Variants in PRSS22 observed in about 807,000 individuals in gnomAD.
PRSS22 encodes the protein serine protease 22, also known as brain-specific serine protease 4.
Under a neutral mutation model 28.0 loss-of-function variants are expected in PRSS22, and 26 were observed. That is an observed-to-expected ratio of 0.93 (90% CI 0.68 to 1.29). The LOEUF is 1.29. PRSS22 is among the 50% of genes most tolerant of loss of function. PRSS22 has a pLI of 0.00. For synonymous variants in PRSS22, 217 were observed against 177.9 expected (o/e 1.22, Z -1.75); for missense variants, 444 against 422.1 (o/e 1.05, Z -0.46).
chr16:2,854,179 G>A (rs1477188926), intron 4 of PRSS22, 157 bp from the exon 5 acceptor site: 2 of 762,568 alleles, frequency 2.6e-6, no homozygotes, highest in African/African-American at 3.5e-5. Context: ...TCAGAAAATT[G>A]AAATTCCAGG....
chr16:2,855,920 G>C (rs1173291184), intron 3 of PRSS22, 69 bp from the exon 4 acceptor site: 2 of 1,548,906 alleles, frequency 1.3e-6, no homozygotes, highest in Non-Finnish European at 1.7e-6. Flanking sequence ...GGAACAGCAT[G>C]GGTGTGAAGG....
chr16:2,856,989 ACCCAGTGAGGAGGGTCCCTCAGCG>A (rs1567291409), intron 1 of PRSS22, 141 bp from the exon 2 acceptor site: 3 of 980,390 alleles, frequency 3.1e-6, no homozygotes, highest in South Asian at 1.4e-5. Context: ...AGGTCCCAGC[ACCCAGTGAGGAGGGTCCCTCAGCG>A]CCCAGTGAGG....
At position 2,858,060 on chromosome 16, in the gene PRSS22, G is replaced by A; in HGVS notation, c.45C>T (p.Leu15=). The change falls in exon 1 of 6, where the codon CTC becomes CTT. Residue 15 remains leucine, a synonymous_variant. Coordinates refer to ENST00000161006, the MANE Select transcript of PRSS22 (RefSeq NM_022119.4). Reference sequence around the variant, plus strand: ...GCAGCAGCAGGGAGGTGAAGGTGCCGAGACAGCCCCCACCCAGGGCTGGGG... The same window carrying A: ...GCAGCAGCAGGGAGGTGAAGGTGCCAAGACAGCCCCCACCCAGGGCTGGGG... ...GAPPALGGGC[L]GTFTSLLLLA... The A allele has an allele frequency of 7.8e-7, 1 of 1,278,142 alleles. No individual in the cohort carries two copies. Among genetic ancestry groups the A allele is most frequent in the Non-Finnish European group, 1.0e-6 (1 of 1,003,878 alleles). 79.2% of individuals were successfully genotyped at this position (1,278,142 alleles called of 1,614,324 possible).
At chr16:2,855,910 G>T in intron 3 of PRSS22, 59 bp from the exon 4 acceptor site, 1 of 1,565,850 alleles carries the variant, frequency 6.4e-7, no homozygotes, top group Non-Finnish European at 8.6e-7. Flanking sequence ...GGTACCTGGG[G>T]GAACAGCATG....
Position 2,855,568 on chromosome 16 carries a change from C to A in PRSS22, c.559+6G>T. 1 of 1,613,746 alleles carries A rather than the reference C, an allele frequency of 6.2e-7. No individual in the cohort carries two copies. The highest frequency in any genetic ancestry group is 1.3e-5 in the African/African-American group (1 of 74,960). On this transcript the variant is annotated splice_donor_region_variant and intron_variant, in intron 4 of 5. Transcript: ENST00000161006. ...CCCAACCACCTTGGAGAGGAAGAAG[C>A]CGCACCTCCATCTTGGATGCTCCCC...
At chr16:2,856,049 G>C in intron 3 of PRSS22, 33 bp downstream of exon 3, 1 of 1,607,728 alleles carries the variant, frequency 6.2e-7, no homozygotes, top group South Asian at 1.1e-5. Context: ...CAGGGCCTTA[G>C]AAGATCAAGT....
chr16:2,853,348 G>A lies in PRSS22; in HGVS notation c.718-19C>T. ...AGTCGCCCTGCAGAGAGGAGGCGAG[G>A]TTAGGAACCCCCGTGGCACAGGGGG... On this transcript the variant is annotated intron_variant, in intron 5 of 5. Coordinates refer to ENST00000161006, the MANE Select transcript of PRSS22 (RefSeq NM_022119.4). The surrounding 1 kb of genome is among the most constrained non-coding windows in gnomAD (Gnocchi z 4.6). 6.3e-7 allele frequency: 1 copy of A among 1,579,822 alleles called. No homozygotes were observed. The highest frequency in any genetic ancestry group is 8.6e-7 in the Non-Finnish European group (1 of 1,168,040).
chr16:2,856,814 C>G lies in PRSS22; in HGVS notation c.109+8G>C, dbSNP rs1157804694. On this transcript the variant is annotated splice_region_variant and intron_variant, in intron 2 of 5. Transcript: ENST00000161006. ...CTCCCTCCCGTCAGAGCTGCCAGCT[C>G]CACTCACCAGGTATCCTGGCCGCAT... The G allele has an allele frequency of 1.3e-6, 2 of 1,552,052 alleles. No homozygotes were observed. The highest frequency in any genetic ancestry group is 1.7e-6 in the Non-Finnish European group (2 of 1,147,164).
chr16:2,854,407 T>G (rs2069435931), intron 4 of PRSS22: 1 of 206,360 alleles, frequency 4.8e-6, no homozygotes, highest in Non-Finnish European at 1.0e-5. Context: ...ACGCCTTGCC[T>G]GGAGCTGGTC....
At chr16:2,855,949 G>A in intron 3 of PRSS22, 98 bp from the exon 4 acceptor site, 6 of 1,509,868 alleles carry the variant, frequency 4.0e-6, no homozygotes, top group Non-Finnish European at 4.4e-6. Context: ...GGCAGGAGAG[G>A]CTTCTAGGTA....
chr16:2,855,606 C>G lies in PRSS22; in HGVS notation c.527G>C (p.Trp176Ser). 6.2e-7 allele frequency: 1 copy of G among 1,614,074 alleles called. No homozygotes were observed. Among genetic ancestry groups the G allele is most frequent in the Non-Finnish European group, 8.5e-7 (1 of 1,180,014 alleles). The change falls in exon 4 of 6, where the codon TGG (tryptophan) becomes TCG (serine). Residue 176 changes from tryptophan to serine, a missense_variant. By Grantham distance (177) the Trp-to-Ser change is radical (BLOSUM62 -3). Transcript: ENST00000161006. ...TTGGATGCTCCCCCAGCCTGAGATC[C>G]AGCAGTGGGTGTTTGGAGGGAGGTG... is the stretch of plus-strand genomic sequence containing the variant. ...SIHLPPNTHC[W>S]ISGWGSIQDG...
In PRSS22 at chr16:2,857,898, G is replaced by T. The variant is rs1344531794; in HGVS notation, c.82+125C>A. 2.4e-5 allele frequency: 16 copies of T among 669,192 alleles called. 1 individual carries two copies. In the East Asian group the frequency reaches 5.5e-4, roughly 23 times the overall value. The allele number at this position is 669,192 out of a possible 1,614,324, so 41.5% of individuals were successfully genotyped here. On this transcript the variant is annotated intron_variant, in intron 1 of 5. Transcript: ENST00000161006. ...GGCACAGAGCAGTTAAGGAGCAAGA[G>T]ATAAACAGAGCAGAAGCGGAAAGGA...
At position 2,853,004 on chromosome 16, in the gene PRSS22, C is replaced by CG; in HGVS notation, c.*88dup. On this transcript the variant is annotated 3_prime_UTR_variant, in exon 6 of 6. Transcript: ENST00000161006. This position sits in a 1 kb window ranked among gnomAD's most constrained non-coding sequence, Gnocchi z 4.6. ...TAGAGGTAGATGAGCCTATTTACGGCGGGGGAAACCGCCCGAGGCCGCCGC... is the reference window on the plus strand; with the variant it reads ...TAGAGGTAGATGAGCCTATTTACGGCGGGGGGAAACCGCCCGAGGCCGCCGC... The CG allele has an allele frequency of 1.1e-6, 1 of 874,864 alleles. No individual in the cohort carries two copies. Among genetic ancestry groups the CG allele is most frequent in the Non-Finnish European group, 1.7e-6 (1 of 594,900 alleles). The allele number at this position is 874,864 out of a possible 1,614,324, so 54.2% of individuals were successfully genotyped here.
In PRSS22 at chr16:2,856,839, T is replaced by C. The variant is rs1234548449; in HGVS notation, c.92A>G (p.Asn31Ser). 5.2e-6 allele frequency: 8 copies of C among 1,551,710 alleles called. No homozygotes were observed. In the African/African-American group the frequency reaches 6.8e-5, roughly 13 times the overall value. The change falls in exon 2 of 6, where the codon AAT (asparagine) becomes AGT (serine). Residue 31 changes from asparagine (N) to serine (S), a missense_variant. Asn to Ser is a conservative substitution (Grantham distance 46). Transcript: ENST00000161006. ...CCACTCACCAGGTATCCTGGCCGCATTGAGGATGGCTGAGGGCAAGAGAAG... is the reference window on the plus strand; with the variant it reads ...CCACTCACCAGGTATCCTGGCCGCACTGAGGATGGCTGAGGGCAAGAGAAG... The part of the protein sequence containing the change: ...LLLLASTAIL[N>S]AARIPVPPAC...
In PRSS22 at chr16:2,853,883, C is replaced by T; in HGVS notation, c.699G>A (p.Gly233=). Residue 233 remains glycine, a synonymous_variant, in exon 5 of 6, where the codon GGG becomes GGA. Coordinates refer to ENST00000161006, the MANE Select transcript of PRSS22 (RefSeq NM_022119.4). This position sits in a 1 kb window ranked among gnomAD's most constrained non-coding sequence, Gnocchi z 4.6. ...AGCTCACCAGACAAGCATCCCGCTC[C>T]CCCTCCAAGTAGCCGGCACACAGCA... ...EDMLCAGYLE[G]ERDACLGDSG... 6.2e-7 allele frequency: 1 copy of T among 1,614,076 alleles called. No individual in the cohort carries two copies. Among genetic ancestry groups the T allele is most frequent in the South Asian group, 1.1e-5 (1 of 91,084 alleles).
rs780016869 is a variant in PRSS22, at chr16:2,853,915, C to T, written c.667G>A (p.Glu223Lys). The change falls in exon 5 of 6, where the codon GAG becomes AAG. Residue 223 changes from glutamate to lysine, a missense_variant. Transcript: ENST00000161006. The surrounding 1 kb of genome is among the most constrained non-coding windows in gnomAD (Gnocchi z 4.6). ...AAGTAGCCGGCACACAGCATGTCCT[C>T]AGTGATGGGTCCCTGTCCTGCTCCC... The part of the protein sequence containing the change: ...WRGAGQGPIT[E>K]DMLCAGYLEG... The T allele has an allele frequency of 6.2e-7, 1 of 1,614,178 alleles. No homozygotes were observed. Among genetic ancestry groups the T allele is most frequent in the East Asian group, 2.2e-5 (1 of 44,874 alleles).
Position 2,853,843 on chromosome 16 carries a change from T to TG in PRSS22, c.717+21dup. The TG allele has an allele frequency of 6.2e-7, 1 of 1,611,876 alleles. No homozygotes were observed. ...TTCCCGAGGCCCTCCTGGCCAGGGG[T>TG]GGGGGGCTCGAGGGAGCTCACCAGA... On this transcript the variant is annotated intron_variant, in intron 5 of 5. Transcript: ENST00000161006. The surrounding 1 kb of genome is among the most constrained non-coding windows in gnomAD (Gnocchi z 4.6).
Position 2,853,303 on chromosome 16 carries a change from G to T in PRSS22, c.744C>A (p.Cys248Ter). ...CLGDSGGPLM[C>*]QVDGAWLLAG... The stretch of plus-strand genomic sequence containing the variant: ...CCAGCAGCCAGGCGCCGTCCACCTG[G>T]CACATGAGGGGGCCCCCGGAGTCGC... Residue 248 changes from cysteine (C) to a stop codon, truncating the protein, a stop_gained, in exon 6 of 6, where the codon TGC becomes TGA. Coordinates refer to ENST00000161006, the MANE Select transcript of PRSS22 (RefSeq NM_022119.4). LOFTEE classifies it low-confidence loss of function (END_TRUNC). The surrounding 1 kb of genome is among the most constrained non-coding windows in gnomAD (Gnocchi z 4.6). 1.3e-6 allele frequency: 2 copies of T among 1,598,346 alleles called. No homozygotes were observed. Among genetic ancestry groups the T allele is most frequent in the Middle Eastern group, 3.3e-4 (2 of 6,052 alleles).
Position 2,853,143 on chromosome 16 carries a change from C to T in PRSS22, c.904G>A (p.Gly302Arg). The stretch of plus-strand genomic sequence containing the variant: ...CCCTGGCTCGGTGCCCTGAGGGCCC[C>T]ACCCCCCTGAGCGCGCCCGCGGAGC... Reference protein sequence around the residue: ...VQLRGRAQGGGALRAPSQGSG... With the variant: ...VQLRGRAQGGRALRAPSQGSG... The change falls in exon 6 of 6, where the codon GGG (glycine) becomes AGG (arginine). Residue 302 changes from glycine to arginine, a missense_variant. Gly to Arg is a moderately radical substitution (Grantham distance 125). Transcript: ENST00000161006. The surrounding 1 kb of genome is among the most constrained non-coding windows in gnomAD (Gnocchi z 4.6). The T allele has an allele frequency of 1.9e-6, 3 of 1,597,804 alleles. No individual in the cohort carries two copies. The highest frequency in any genetic ancestry group is 1.7e-6 in the Non-Finnish European group (2 of 1,179,170).
Sources: allele counts gnomAD v4.1 joint callset, GRCh38; gene constraint gnomAD v4.1.1; non-coding constraint Gnocchi (gnomAD v3.1); transcripts MANE v1.5; gene names NCBI Gene and HGNC (gene_info 2026-07-23, HGNC 2026-07-21).